DNASE1: variants seen among roughly 807,000 people sequenced by gnomAD.
DNASE1 encodes deoxyribonuclease-1.
A neutral mutation model predicts 33.9 loss-of-function variants in DNASE1; 40 were observed. The observed-to-expected ratio is 1.18, with a 90% CI of 0.92 to 1.54. The LOEUF (loss-of-function observed/expected upper bound fraction) is 1.54. Ranked by LOEUF, DNASE1 falls within the 40% of genes most tolerant of loss-of-function variation. DNASE1 has a pLI of 0.00. For missense variants in DNASE1, 518 were observed against 372.6 expected, an observed-to-expected ratio of 1.39 and a Z score of -3.21; for synonymous variants, 216 against 160.0, an observed-to-expected ratio of 1.35 and a Z score of -2.64.
At chr16:3,641,471 G>C (rs565845957), upstream of DNASE1, among the ~76,000 whole-genome samples, 33 of 152,296 alleles carry the variant, frequency 2.2e-4, no homozygotes, top group Non-Finnish European at 3.5e-4. Context: ...GGCTGGTGGG[G>C]AGTCTGGGGC....
intron 2 of DNASE1, 111 bp downstream of exon 2, chr16:3,655,631 C>G: frequency 6.5e-7 from 1 of 1,526,832 alleles, no homozygotes. Flanking sequence ...GTACTGAGCA[C>G]CACTGCTCCC....
chr16:3,651,114 C>T (rs376607511), upstream of DNASE1: 2 of 152,314 alleles, frequency 1.3e-5, no homozygotes, highest in Non-Finnish European at 2.9e-5. Context: ...CTGGCCTGCA[C>T]GTCGCTGGGT....
chr16:3,632,588 T>C (rs75966399), intron 1 of DNASE1, among the ~76,000 whole-genome samples: 796 of 146,434 alleles, frequency 5.4e-3, no homozygotes, highest in East Asian at 0.013. Flanking sequence ...TTTTCTCTCT[T>C]TTTTTTTTTT....
intron 1 of DNASE1, among the ~76,000 whole-genome samples, chr16:3,636,927 C>T (rs1456662970): frequency 1.3e-5 from 2 of 151,742 alleles, no homozygotes; most frequent in Non-Finnish European, 2.9e-5. Context: ...AGTTCGAGAC[C>T]AGCCTGATCA....
At chr16:3,662,112 G>A (rs1420120738), downstream of DNASE1, 2 of 1,612,820 alleles carry the variant, frequency 1.2e-6, no homozygotes, top group African/African-American at 2.7e-5. Context: ...TGGCAGGGTG[G>A]GTGTCCAGTC....
At chr16:3,649,746 C>T (rs969068243), upstream of DNASE1, among the ~76,000 whole-genome samples, 2 of 152,132 alleles carry the variant, frequency 1.3e-5, no homozygotes, top group Non-Finnish European at 2.9e-5. Flanking sequence ...ATCTTGTGGC[C>T]TGGGTAGTGT....
intron 1 of DNASE1, among the ~76,000 whole-genome samples, chr16:3,637,791 G>A (rs1255405472): frequency 6.6e-6 from 1 of 152,102 alleles, no homozygotes; most frequent in South Asian, 2.1e-4. Context: ...TCCACATTGA[G>A]TCTCCAGCAG....
chr16:3,663,648 G>A, exon 10 of DNASE1: 2 of 1,570,000 alleles, frequency 1.3e-6, no homozygotes, highest in Non-Finnish European at 1.7e-6. Flanking sequence ...GGAGGGCTGG[G>A]GGAGCCAAGC....
chr16:3,642,311 G>A (rs2042046214), upstream of DNASE1, among the ~76,000 whole-genome samples: 1 of 152,220 alleles, frequency 6.6e-6, no homozygotes, highest in Admixed American at 6.5e-5. Context: ...GCCATCCTTG[G>A]GCACTCCTGT....
intron 1 of DNASE1, among the ~76,000 whole-genome samples, chr16:3,622,654 G>A (rs2041364181): frequency 6.6e-6 from 1 of 152,036 alleles, no homozygotes; most frequent in Non-Finnish European, 1.5e-5. Context: ...GTCTCACCAT[G>A]TTGCCCAGGC....
chr16:3,644,763 G>GT (rs2042123516), intron 1 of DNASE1, among the ~76,000 whole-genome samples: 1 of 150,702 alleles, frequency 6.6e-6, no homozygotes, highest in South Asian at 2.1e-4. Flanking sequence ...AAAAAATCCA[G>GT]TAGGTGTATT....
chr16:3,656,977 C>CACG, intron 5 of DNASE1, 22 bp from the exon 6 acceptor site: 1 of 1,611,096 alleles, frequency 6.2e-7, no homozygotes, highest in Non-Finnish European at 8.5e-7. Context: ...GTGTGCCTCA[C>CACG]ACGACGTGGC....
chr16:3,644,087 A>G (rs1016054245), intron 1 of DNASE1, among the ~76,000 whole-genome samples: 1 of 152,230 alleles, frequency 6.6e-6, no homozygotes, highest in Non-Finnish European at 1.5e-5. Context: ...GGATTGTTTC[A>G]TAGAATTGGA....
chr16:3,626,729 T>C (rs1279729383), intron 1 of DNASE1, among the ~76,000 whole-genome samples: 1 of 152,220 alleles, frequency 6.6e-6, no homozygotes, highest in East Asian at 1.9e-4. Flanking sequence ...CCAGCTCTGA[T>C]AGTGGATTTG....
intron 1 of DNASE1, among the ~76,000 whole-genome samples, chr16:3,614,873 T>C (rs542179291): frequency 6.6e-6 from 1 of 152,366 alleles, no homozygotes; most frequent in African/African-American, 2.4e-5. Flanking sequence ...CCAGTCAGAC[T>C]GAAAATGAAG....
chr16:3,638,696 G>A (rs575089925), upstream of DNASE1, among the ~76,000 whole-genome samples: 2 of 152,192 alleles, frequency 1.3e-5, no homozygotes, highest in South Asian at 4.2e-4. Context: ...CATCATATTT[G>A]GGAAATTTTG....
intron 5 of DNASE1, 109 bp downstream of exon 5, chr16:3,656,862 G>C (rs1347614581): frequency 6.5e-7 from 1 of 1,543,780 alleles, no homozygotes; most frequent in African/African-American, 1.4e-5. Flanking sequence ...CAGTCCCTGG[G>C]GCTTGGGTTT....
At chr16:3,649,460 T>G (rs947712434) in intron 1 of DNASE1, among the ~76,000 whole-genome samples, 2 of 152,246 alleles carry the variant, frequency 1.3e-5, no homozygotes, top group African/African-American at 4.8e-5. Flanking sequence ...CACAGTGATA[T>G]GTTTAATCTG....
chr16:3,643,608 C>T (rs2151194719), intron 1 of DNASE1, among the ~76,000 whole-genome samples: 1 of 152,292 alleles, frequency 6.6e-6, no homozygotes, highest in Admixed American at 6.5e-5. Context: ...CTGTCACGCA[C>T]AGTCCCTGAC....
Sources: allele counts gnomAD v4.1 joint callset (sites outside exome capture counted in the v4.1 genomes callset), GRCh38; gene constraint gnomAD v4.1.1; transcripts MANE v1.5; gene names NCBI Gene and HGNC (gene_info 2026-07-23, HGNC 2026-07-21).